Variants in IPPK observed in about 807,000 individuals in gnomAD.
IPPK encodes IPK1 homolog.
Under a neutral mutation model 64.6 loss-of-function variants are expected in IPPK, and 22 were observed. That is an observed-to-expected ratio of 0.34 (90% CI 0.24 to 0.49). IPPK has a LOEUF of 0.49. IPPK is among the 20% of genes least tolerant of loss of function. IPPK has a pLI of 0.99. For missense variants in IPPK, 532 were observed against 630.7 expected (o/e 0.84, Z 1.68); for synonymous variants, 262 against 247.2 (o/e 1.06, Z -0.56).
intron 3 of IPPK, among the ~76,000 whole-genome samples, chr9:92,654,588 G>A (rs971918325): frequency 2.0e-5 from 3 of 152,158 alleles, no homozygotes; most frequent in African/African-American, 4.8e-5. Context: ...TGTGGACCAC[G>A]CCACCATCCA....
intron 7 of IPPK, 114 bp downstream of exon 7, chr9:92,642,638 A>T: frequency 1.2e-6 from 1 of 855,774 alleles, no homozygotes; most frequent in Non-Finnish European, 2.0e-6. Context: ...AAGACAGAAC[A>T]GGGCCTTCCC....
chr9:92,621,916 C>G (rs1117670), intron 11 of IPPK, among the ~76,000 whole-genome samples: 1 of 152,010 alleles, frequency 6.6e-6, no homozygotes, highest in African/African-American at 2.4e-5. Context: ...AGGCTGAACA[C>G]AGACATTACA....
chr9:92,657,385 A>G (rs10992392), intron 2 of IPPK, among the ~76,000 whole-genome samples: 30,424 of 151,888 alleles, frequency 0.2, 4,067 homozygotes, highest in East Asian at 0.73. Flanking sequence ...GTCAACAGAA[A>G]AGTTACCACT....
At chr9:92,648,220 GACT>G in intron 5 of IPPK, 72 bp from the exon 6 acceptor site, 3 of 1,123,636 alleles carry the variant, frequency 2.7e-6, no homozygotes, top group Non-Finnish European at 3.9e-6. Context: ...ACATATCACT[GACT>G]ACAAGATAAT....
intron 9 of IPPK, among the ~76,000 whole-genome samples, chr9:92,636,523 C>T (rs1851946060): frequency 6.6e-6 from 1 of 152,066 alleles, no homozygotes; most frequent in African/African-American, 2.4e-5. Context: ...TGTCGGTAGT[C>T]CCAGCTACTC....
At chr9:92,641,235 A>G (rs897797867) in intron 7 of IPPK, among the ~76,000 whole-genome samples, 7 of 152,190 alleles carry the variant, frequency 4.6e-5, no homozygotes, top group African/African-American at 1.4e-4. Flanking sequence ...AGGAGAGGCT[A>G]GAGCCCCAGG....
chr9:92,624,455 T>C (rs1587620263), intron 11 of IPPK, among the ~76,000 whole-genome samples: 3 of 150,098 alleles, frequency 2.0e-5, no homozygotes, highest in African/African-American at 7.4e-5. Flanking sequence ...CAAGACTCCA[T>C]CTCCAAAAAA....
chr9:92,650,104 A>G (rs1341722709), intron 4 of IPPK, among the ~76,000 whole-genome samples: 1 of 151,834 alleles, frequency 6.6e-6, no homozygotes, highest in Non-Finnish European at 1.5e-5. Flanking sequence ...TGGGCAGATC[A>G]TGAGGTCAAG....
intron 5 of IPPK, among the ~76,000 whole-genome samples, 192 bp from the exon 6 acceptor site, chr9:92,648,340 A>G (rs72756424): frequency 0.033 from 4,962 of 152,310 alleles, 112 homozygotes; most frequent in South Asian, 0.094. Flanking sequence ...CATCTCCGCT[A>G]GAGGACCCAC....
At chr9:92,619,148 A>G (rs1479629311) in intron 12 of IPPK, 1 of 266,338 alleles carries the variant, frequency 3.8e-6, no homozygotes, top group Non-Finnish European at 7.3e-6. Flanking sequence ...AGGTACCCAC[A>G]CATCTCAGGG....
chr9:92,668,162 G>A (rs1051592899), intron 1 of IPPK, among the ~76,000 whole-genome samples: 1 of 151,988 alleles, frequency 6.6e-6, no homozygotes, highest in Non-Finnish European at 1.5e-5. Flanking sequence ...CAGCTACTCG[G>A]GAGGCTGAGG....
intron 11 of IPPK, among the ~76,000 whole-genome samples, chr9:92,632,450 C>T (rs1851862655): frequency 1.3e-5 from 2 of 152,268 alleles, no homozygotes; most frequent in Admixed American, 6.5e-5. Context: ...ACTACATTTA[C>T]ATATCAGGTT....
intron 12 of IPPK, chr9:92,616,262 G>T: frequency 1.9e-6 from 1 of 526,100 alleles, no homozygotes; most frequent in South Asian, 2.1e-5. Flanking sequence ...CTGTGCACCT[G>T]TGATCTGTGC....
intron 1 of IPPK, among the ~76,000 whole-genome samples, chr9:92,668,475 T>C (rs1852649958): frequency 6.6e-6 from 1 of 152,194 alleles, no homozygotes; most frequent in Non-Finnish European, 1.5e-5. Flanking sequence ...AGCCTGAAAC[T>C]TGCTGCTTCA....
At chr9:92,618,669 A>C in intron 12 of IPPK, 1 of 419,496 alleles carries the variant, frequency 2.4e-6, no homozygotes, top group Non-Finnish European at 4.8e-6. Context: ...TAAATAGAAC[A>C]ACCTTTTTTC....
intron 3 of IPPK, among the ~76,000 whole-genome samples, chr9:92,654,440 G>C (rs1222910757): frequency 6.6e-6 from 1 of 152,160 alleles, no homozygotes; most frequent in African/African-American, 2.4e-5. Context: ...ATGATCACTT[G>C]AGTCTGGGAG....
intron 11 of IPPK, 107 bp from the exon 12 acceptor site, chr9:92,619,672 A>T: frequency 3.9e-6 from 4 of 1,018,030 alleles, no homozygotes; most frequent in South Asian, 1.4e-5. Context: ...CTGCCTCAGA[A>T]CCTGAGGGTG....
chr9:92,642,425 A>C (rs553196585), intron 7 of IPPK, among the ~76,000 whole-genome samples: 1 of 152,370 alleles, frequency 6.6e-6, no homozygotes, highest in Middle Eastern at 3.4e-3. Context: ...AGGCACAAAC[A>C]ACCAAACTAT....
At chr9:92,634,127 C>T (rs7852698) in intron 11 of IPPK, among the ~76,000 whole-genome samples, 49,107 of 152,092 alleles carry the variant, frequency 0.32, 9,390 homozygotes, top group African/African-American at 0.52. Context: ...GGTTGCAGAT[C>T]GGCCGCCCCT....
Sources: gnomAD v4.1 joint callset for allele counts (sites outside exome capture counted in the v4.1 genomes callset) on GRCh38, gnomAD v4.1.1 for gene constraint, MANE v1.5 for transcripts, NCBI Gene and HGNC (gene_info 2026-07-23, HGNC 2026-07-21) for gene names.